GOLIM4: variants seen among roughly 807,000 people sequenced by gnomAD.
The protein encoded by GOLIM4 is golgi integral membrane protein 4, also known as 130 kDa golgi-localized phosphoprotein.
GOLIM4 carries 71 observed loss-of-function variants against 107.4 expected under a neutral mutation model. That is an observed-to-expected ratio of 0.66 (90% CI 0.55 to 0.81). The LOEUF is 0.81. Ranked by LOEUF, GOLIM4 falls within the 30% of genes least tolerant of loss-of-function variation. The pLI is 0.00. For missense variants in GOLIM4, 830 were observed against 826.1 expected (o/e 1.00, Z -0.06); for synonymous variants, 327 against 294.8 (o/e 1.11, Z -1.12).
chr3:168,092,585 A>C (rs1437701426), intron 1 of GOLIM4, among the ~76,000 whole-genome samples: 1 of 152,112 alleles, frequency 6.6e-6, no homozygotes, highest in Non-Finnish European at 1.5e-5. Flanking sequence ...TAAAAAGACC[A>C]CTCTTTTTAA....
chr3:168,075,790 T>C (rs796672214), intron 1 of GOLIM4, among the ~76,000 whole-genome samples: 2 of 152,270 alleles, frequency 1.3e-5, no homozygotes, highest in African/African-American at 4.8e-5. Context: ...AAGTCTATGT[T>C]TGGTGGACCT....
chr3:168,043,416 G>A lies in GOLIM4; in HGVS notation c.480C>T (p.Leu160=). ...AAAGTTCTTGTTCTTTTTCTTGCTG[G>A]AGCTGCAAGTATTTTTGCTTATGGT... ...FNDHKQKYLQ[L]QQEKEQELSK... is the part of the protein sequence containing the mutation. Residue 160 remains leucine, a synonymous_variant, in exon 5 of 16, where the codon CTC becomes CTT. Transcript: ENST00000470487. The A allele has an allele frequency of 6.2e-7, 1 of 1,608,840 alleles. No homozygotes were observed. Among genetic ancestry groups the A allele is most frequent in the Non-Finnish European group, 8.5e-7 (1 of 1,178,232 alleles).
intron 1 of GOLIM4, among the ~76,000 whole-genome samples, chr3:168,054,546 G>C (rs373844141): frequency 4.6e-5 from 7 of 151,926 alleles, no homozygotes; most frequent in African/African-American, 1.7e-4. Context: ...TCAATACTTC[G>C]TCTCCTTTCC....
chr3:168,017,138 C>G (rs2108211718), intron 14 of GOLIM4, among the ~76,000 whole-genome samples: 1 of 152,256 alleles, frequency 6.6e-6, no homozygotes, highest in South Asian at 2.1e-4. Context: ...TCTGGTTTAT[C>G]TGAATAATGG....
chr3:168,038,414 T>C (rs1264846457), intron 7 of GOLIM4, among the ~76,000 whole-genome samples: 1 of 152,184 alleles, frequency 6.6e-6, no homozygotes, highest in African/African-American at 2.4e-5. Flanking sequence ...CTTGAAATTA[T>C]AATTCAACAG....
intron 1 of GOLIM4, among the ~76,000 whole-genome samples, chr3:168,055,331 C>G (rs1487897337): frequency 6.6e-6 from 1 of 152,120 alleles, no homozygotes; most frequent in Non-Finnish European, 1.5e-5. Flanking sequence ...CTGAGCTGGT[C>G]TCAAATGGAG....
intron 1 of GOLIM4, among the ~76,000 whole-genome samples, chr3:168,082,595 C>G (rs182411693): frequency 8.5e-5 from 13 of 152,262 alleles, no homozygotes; most frequent in African/African-American, 2.9e-4. Context: ...GTATGTAAGT[C>G]TCTCTAAGAA....
At chr3:168,041,087 C>T in intron 6 of GOLIM4, 1 of 495,210 alleles carries the variant, frequency 2.0e-6, no homozygotes, top group Non-Finnish European at 3.5e-6. Flanking sequence ...CATTTATTTA[C>T]AATGAAATCA....
At chr3:168,022,200 A>C (rs1717733630) in intron 14 of GOLIM4, among the ~76,000 whole-genome samples, 1 of 152,136 alleles carries the variant, frequency 6.6e-6, no homozygotes, top group African/African-American at 2.4e-5. Context: ...GCAAGAGGCA[A>C]TTCTTCCCCA....
chr3:168,065,155 G>C (rs1720486285), intron 1 of GOLIM4, among the ~76,000 whole-genome samples: 1 of 152,132 alleles, frequency 6.6e-6, no homozygotes, highest in South Asian at 2.1e-4. Context: ...ATAAAATGAA[G>C]CTGTTGTAGA....
At chr3:168,062,201 T>C (rs1159923954) in intron 1 of GOLIM4, among the ~76,000 whole-genome samples, 1 of 152,192 alleles carries the variant, frequency 6.6e-6, no homozygotes. Context: ...AGTTAGGTTT[T>C]TAGCTTCTGA....
chr3:168,072,946 AG>A (rs1056564707), intron 1 of GOLIM4, among the ~76,000 whole-genome samples: 3 of 152,182 alleles, frequency 2.0e-5, no homozygotes, highest in African/African-American at 2.4e-5. Flanking sequence ...CATTTCAGTG[AG>A]GTGGTTGTTA....
At chr3:168,059,405 A>G (rs1383304433) in intron 1 of GOLIM4, among the ~76,000 whole-genome samples, 1 of 152,242 alleles carries the variant, frequency 6.6e-6, no homozygotes, top group Non-Finnish European at 1.5e-5. Context: ...TCTACTTCAA[A>G]ATTAAAATAT....
intron 3 of GOLIM4, among the ~76,000 whole-genome samples, chr3:168,045,896 A>G (rs1416522150): frequency 2.0e-5 from 3 of 152,038 alleles, no homozygotes; most frequent in Non-Finnish European, 4.4e-5. Context: ...CAGTTTTTTT[A>G]TTTTGAGATA....
intron 1 of GOLIM4, among the ~76,000 whole-genome samples, chr3:168,060,024 G>T (rs1169517599): frequency 1.3e-5 from 2 of 151,960 alleles, no homozygotes; most frequent in African/African-American, 4.8e-5. Flanking sequence ...GAAGGGGAAG[G>T]GGCAGAGTGC....
rs76019652 is a variant in GOLIM4, at chr3:168,018,310, A to G, written c.1860+6216T>C. Among the ~76,000 whole-genome samples, 294 of 152,314 alleles carry G rather than the reference A, an allele frequency of 1.9e-3. 7 individuals are homozygous for G. The East Asian group carries it at 0.05, about 26-fold the overall frequency. On this transcript the variant is annotated intron_variant, in intron 14 of 15. Transcript: ENST00000470487. ...AATTACGTGCTGCCTGAAGGTGTACAGCCCAGGTGAGACAAGAATGAACTG... is the reference window on the plus strand; with the variant it reads ...AATTACGTGCTGCCTGAAGGTGTACGGCCCAGGTGAGACAAGAATGAACTG...
chr3:168,011,350 G>T (rs1002268974), intron 14 of GOLIM4, among the ~76,000 whole-genome samples: 2 of 152,168 alleles, frequency 1.3e-5, no homozygotes, highest in Non-Finnish European at 2.9e-5. Flanking sequence ...TTAAAAAACG[G>T]CGCACCACGA....
rs1292290692 is a variant in GOLIM4 at position 168,009,048 on chromosome 3, C to T, written c.*1221G>A. ...ATTTGATTATTAATACAAAACCACA[C>T]ATATATGAATTATATAACCTAGTGT... On this transcript the variant is annotated 3_prime_UTR_variant, in exon 16 of 16. Transcript: ENST00000470487. 2.6e-5 allele frequency: 4 copies of T among 152,044 alleles called. No homozygotes were observed. In the East Asian group the frequency reaches 5.8e-4, roughly 22 times the overall value. 9.4% of individuals were successfully genotyped at this position (152,044 alleles called of 1,614,324 possible). A position where few individuals can be genotyped will look rare whatever the true frequency, so the allele number is the denominator to read the frequency against.
At chr3:168,015,143 A>C (rs1019117618) in intron 14 of GOLIM4, among the ~76,000 whole-genome samples, 1 of 148,346 alleles carries the variant, frequency 6.7e-6, no homozygotes, top group African/African-American at 2.6e-5. Flanking sequence ...AGAAAACCCC[A>C]CTGTCTCAGC....
Sources: allele counts gnomAD v4.1 joint callset (sites outside exome capture counted in the v4.1 genomes callset), GRCh38; gene constraint gnomAD v4.1.1; transcripts MANE v1.5; gene names NCBI Gene and HGNC (gene_info 2026-07-23, HGNC 2026-07-21).